The following GRID2 variants were observed in gnomAD, a reference collection of about 807,000 sequenced individuals.
The protein encoded by GRID2 is glutamate receptor ionotropic, delta-2.
In GRID2, 33 loss-of-function variants were observed where a neutral mutation model predicts 114.8. That is an observed-to-expected ratio of 0.29 (90% CI 0.22 to 0.38). The LOEUF is 0.38. Ranked by LOEUF, GRID2 falls within the 10% of genes least tolerant of loss-of-function variation. The probability of loss-of-function intolerance (pLI) is 1.00; values close to 1 mark genes in which losing one functional copy is unlikely to be tolerated. For missense variants in GRID2, 1,184 were observed against 1,257.7 expected, an observed-to-expected ratio of 0.94 and a Z score of 0.89; for synonymous variants, 505 against 449.9, an observed-to-expected ratio of 1.12 and a Z score of -1.55.
At chr4:93,001,917 A>C in intron 2 of GRID2, among the ~76,000 whole-genome samples, 1 of 150,818 alleles carries the variant, frequency 6.6e-6, no homozygotes, top group East Asian at 2.0e-4. Context: ...GATAGACACC[A>C]GGGTAATTAT....
intron 2 of GRID2, among the ~76,000 whole-genome samples, chr4:92,596,494 A>G (rs998359056): frequency 6.6e-6 from 1 of 152,040 alleles, no homozygotes; most frequent in African/African-American, 2.4e-5. Flanking sequence ...ATGAGGGAAG[A>G]TACTTAGCTT....
At chr4:92,708,755 C>T (rs894943190) in intron 2 of GRID2, among the ~76,000 whole-genome samples, 2 of 152,150 alleles carry the variant, frequency 1.3e-5, no homozygotes, top group South Asian at 4.2e-4. Flanking sequence ...GGTGAAATCC[C>T]GTTTCTACTA....
intron 1 of GRID2, among the ~76,000 whole-genome samples, chr4:92,366,123 A>G (rs1728850749): frequency 6.6e-6 from 1 of 152,040 alleles, no homozygotes; most frequent in African/African-American, 2.4e-5. Flanking sequence ...CTTGCTTATC[A>G]TATCAATAAA....
intron 2 of GRID2, among the ~76,000 whole-genome samples, chr4:93,036,991 G>A (rs2149263818): frequency 1.3e-5 from 2 of 152,256 alleles, no homozygotes; most frequent in Middle Eastern, 6.8e-3. Context: ...TCTACAGATT[G>A]TTGGTCCTAG....
At chr4:92,663,793 C>T (rs933289454) in intron 2 of GRID2, among the ~76,000 whole-genome samples, 4 of 150,984 alleles carry the variant, frequency 2.6e-5, no homozygotes, top group African/African-American at 7.3e-5. Context: ...AACTAAATCT[C>T]TATCCTCCTG....
At chr4:93,466,900 A>T (rs185704997) in intron 11 of GRID2, among the ~76,000 whole-genome samples, 2 of 152,232 alleles carry the variant, frequency 1.3e-5, no homozygotes, top group Admixed American at 1.3e-4. Flanking sequence ...TATAGATTGA[A>T]AGAAAGCCTT....
intron 4 of GRID2, among the ~76,000 whole-genome samples, chr4:93,167,662 T>G (rs1738384213): frequency 6.6e-6 from 1 of 152,178 alleles, no homozygotes; most frequent in Non-Finnish European, 1.5e-5. Flanking sequence ...TAGTAACACA[T>G]GTACTTTATT....
intron 2 of GRID2, among the ~76,000 whole-genome samples, chr4:92,915,527 A>C (rs1336466321): frequency 6.6e-6 from 1 of 152,168 alleles, no homozygotes; most frequent in Non-Finnish European, 1.5e-5. Context: ...ATTGCAATTC[A>C]AGATGAGGTT....
At chr4:92,638,218 T>C (rs1047513771) in intron 2 of GRID2, among the ~76,000 whole-genome samples, 8 of 151,738 alleles carry the variant, frequency 5.3e-5, no homozygotes, top group Admixed American at 5.3e-4. Flanking sequence ...GTGTAAAATC[T>C]GAGACCCTTG....
At chr4:92,405,110 G>A (rs951781146) in intron 1 of GRID2, among the ~76,000 whole-genome samples, 8 of 152,110 alleles carry the variant, frequency 5.3e-5, no homozygotes, top group Admixed American at 1.3e-4. Context: ...TTGATAGCTC[G>A]AATGTCAGAG....
chr4:92,946,398 TA>T (rs1230894102), intron 2 of GRID2, among the ~76,000 whole-genome samples: 2 of 152,092 alleles, frequency 1.3e-5, no homozygotes, highest in Non-Finnish European at 2.9e-5. Flanking sequence ...ATTTTTCATC[TA>T]AATCTTTTTT....
chr4:93,562,560 C>A (rs945661882), intron 13 of GRID2, among the ~76,000 whole-genome samples: 5 of 151,970 alleles, frequency 3.3e-5, no homozygotes, highest in African/African-American at 1.2e-4. Flanking sequence ...TCCAGTTTAT[C>A]AATTTTTTGG....
intron 1 of GRID2, among the ~76,000 whole-genome samples, chr4:92,490,082 G>A (rs1162810259): frequency 6.6e-6 from 1 of 152,086 alleles, no homozygotes; most frequent in African/African-American, 2.4e-5. Context: ...TAACTGTAGT[G>A]TTGTTGAGGA....
intron 8 of GRID2, among the ~76,000 whole-genome samples, chr4:93,379,861 A>T (rs1412446364): frequency 6.6e-6 from 1 of 152,118 alleles, no homozygotes; most frequent in Non-Finnish European, 1.5e-5. Context: ...CATTCTAGTC[A>T]ATTGAGATAC....
chr4:93,752,092 G>A (rs1215243429), intron 14 of GRID2, among the ~76,000 whole-genome samples: 1 of 151,678 alleles, frequency 6.6e-6, no homozygotes, highest in Non-Finnish European at 1.5e-5. Flanking sequence ...AAAACCTATT[G>A]CAAATGGACT....
At chr4:93,319,326 C>T (rs868093841) in intron 8 of GRID2, among the ~76,000 whole-genome samples, 1 of 151,994 alleles carries the variant, frequency 6.6e-6, no homozygotes, top group Non-Finnish European at 1.5e-5. Context: ...ACTACTCTTA[C>T]GTTTTATTTC....
intron 13 of GRID2, among the ~76,000 whole-genome samples, chr4:93,527,077 G>A (rs1376529024): frequency 2.0e-5 from 3 of 152,024 alleles, no homozygotes; most frequent in African/African-American, 4.8e-5. Flanking sequence ...TCCTCAAAAG[G>A]GCCCTCCCTC....
intron 14 of GRID2, among the ~76,000 whole-genome samples, chr4:93,753,693 T>A (rs1478052629): frequency 1.3e-5 from 2 of 152,216 alleles, no homozygotes; most frequent in Non-Finnish European, 1.5e-5. Flanking sequence ...TATGGCTGCA[T>A]AGTATTCCAT....
At chr4:93,178,069 CT>C (rs1432320537) in intron 4 of GRID2, among the ~76,000 whole-genome samples, 2 of 141,352 alleles carry the variant, frequency 1.4e-5, no homozygotes, top group Non-Finnish European at 3.0e-5. Context: ...TTTTACTCAA[CT>C]TGAAAAAAAA....
Sources: allele counts gnomAD v4.1 joint callset (sites outside exome capture counted in the v4.1 genomes callset), GRCh38; gene constraint gnomAD v4.1.1; transcripts MANE v1.5; gene names NCBI Gene and HGNC (gene_info 2026-07-23, HGNC 2026-07-21).